ELAPOR2: variants seen among roughly 807,000 people sequenced by gnomAD.
ELAPOR2 encodes the protein endosome/lysosome-associated apoptosis and autophagy regulator family member 2.
ELAPOR2 carries 89 observed loss-of-function variants against 120.7 expected under a neutral mutation model. The ratio of observed to expected loss-of-function variants is 0.74; its 90% CI spans 0.62 to 0.88. The LOEUF (loss-of-function observed/expected upper bound fraction) is 0.88, where lower values mean the gene tolerates loss of function less well. ELAPOR2 is among the 40% of genes least tolerant of loss of function. The probability of loss-of-function intolerance (pLI) is 0.00; values close to 1 mark genes in which losing one functional copy is unlikely to be tolerated. For missense variants in ELAPOR2, 1,134 were observed against 1,251.6 expected (o/e 0.91, Z 1.42); for synonymous variants, 444 against 444.9 (o/e 1.00, Z 0.03).
intron 2 of ELAPOR2, among the ~76,000 whole-genome samples, chr7:86,958,121 G>C (rs963195084): frequency 6.6e-6 from 1 of 152,136 alleles, no homozygotes; most frequent in African/African-American, 2.4e-5. Flanking sequence ...ATTCCAAAGA[G>C]ACAGTCCCAT....
chr7:86,946,367 C>T (rs1213571607), intron 3 of ELAPOR2, among the ~76,000 whole-genome samples: 2 of 152,236 alleles, frequency 1.3e-5, no homozygotes, highest in East Asian at 1.9e-4. Context: ...TCCTATATGA[C>T]ACAACTAATT....
intron 1 of ELAPOR2, among the ~76,000 whole-genome samples, chr7:86,999,648 C>T (rs1793245029): frequency 6.6e-6 from 1 of 152,122 alleles, no homozygotes; most frequent in Admixed American, 6.6e-5. Flanking sequence ...AGTGGATAAA[C>T]CCTCTTTAGG....
At chr7:86,957,640 G>A (rs1036725810) in intron 2 of ELAPOR2, among the ~76,000 whole-genome samples, 1 of 152,146 alleles carries the variant, frequency 6.6e-6, no homozygotes, top group Non-Finnish European at 1.5e-5. Context: ...TGAGGATATA[G>A]CAACAAACAT....
chr7:86,924,639 G>T (rs1253346413), intron 10 of ELAPOR2, among the ~76,000 whole-genome samples: 1 of 151,788 alleles, frequency 6.6e-6, no homozygotes, highest in Admixed American at 6.6e-5. Context: ...TATATATACT[G>T]AGGCTTTGTC....
intron 21 of ELAPOR2, chr7:86,891,489 T>C (rs558429741): frequency 2.3e-6 from 1 of 425,764 alleles, no homozygotes; most frequent in South Asian, 4.9e-5. Flanking sequence ...TTCTATCACT[T>C]TGACAGATGA....
At chr7:86,892,330 A>G (rs987226384) in intron 20 of ELAPOR2, among the ~76,000 whole-genome samples, 1 of 152,046 alleles carries the variant, frequency 6.6e-6, no homozygotes, top group Admixed American at 6.6e-5. Context: ...ATCACCCCAG[A>G]TATTGCAATT....
At chr7:86,925,999 T>C (rs1790050287) in intron 9 of ELAPOR2, among the ~76,000 whole-genome samples, 1 of 152,006 alleles carries the variant, frequency 6.6e-6, no homozygotes, top group African/African-American at 2.4e-5. Flanking sequence ...AAGTTCAAGT[T>C]CTCCTGCATG....
At chr7:86,886,463 T>C (rs868482257) in intron 21 of ELAPOR2, among the ~76,000 whole-genome samples, 5 of 152,204 alleles carry the variant, frequency 3.3e-5, no homozygotes, top group South Asian at 2.1e-4. Flanking sequence ...ATTTTGCCAA[T>C]TGGAGACTCT....
rs375774914 is a variant in ELAPOR2, at chr7:87,052,338, T to A, written c.189+6987A>T. ...GAGATTGTACAGGGAAACTCCCCCT[T>A]ATGAAACCACTGGATCTCAAGAAAC... On this transcript the variant is annotated intron_variant, in intron 1 of 21. Transcript: ENST00000450689. Among the ~76,000 whole-genome samples the A allele has an allele frequency of 1.1e-3, 164 of 152,308 alleles. 1 individual carries two copies. The highest frequency in any genetic ancestry group is 3.8e-3 in the African/African-American group (156 of 41,576).
At chr7:86,932,560 G>C (rs867292694) in intron 8 of ELAPOR2, among the ~76,000 whole-genome samples, 2 of 151,848 alleles carry the variant, frequency 1.3e-5, no homozygotes, top group South Asian at 2.1e-4. Flanking sequence ...AAAATCTTAA[G>C]TCTTTTCTGT....
rs115887045 is a variant in ELAPOR2 at position 87,004,246 on chromosome 7, G to C, written c.190-39222C>G. On this transcript the variant is annotated intron_variant, in intron 1 of 21. Coordinates refer to ENST00000450689, the MANE Select transcript of ELAPOR2 (RefSeq NM_001142749.3). ...CCTGGATGGGTGGGGGACAACAAAG[G>C]GAGAATGTGCTTGTTTCCAAAATGA... Among the ~76,000 whole-genome samples the C allele has an allele frequency of 8.4e-3, 1,279 of 152,282 alleles. 21 individuals are homozygous for C. Among genetic ancestry groups the C allele is most frequent in the African/African-American group, 0.03 (1,230 of 41,542 alleles).
chr7:87,006,396 G>C (rs934662813), intron 1 of ELAPOR2, among the ~76,000 whole-genome samples: 2 of 151,856 alleles, frequency 1.3e-5, no homozygotes, highest in Non-Finnish European at 2.9e-5. Context: ...CTAGGGGAGG[G>C]ATAGCATTAG....
intron 18 of ELAPOR2, among the ~76,000 whole-genome samples, chr7:86,904,405 G>A (rs1008223798): frequency 2.0e-5 from 3 of 152,048 alleles, no homozygotes; most frequent in African/African-American, 7.2e-5. Flanking sequence ...ATCTATTTAG[G>A]GGCATCTATT....
rs2115836108 is a variant in ELAPOR2 at position 86,891,859 on chromosome 7, C to T, written c.2895G>A (p.Met965Ile). The T allele has an allele frequency of 6.2e-7, 1 of 1,607,562 alleles. No homozygotes were observed. Among genetic ancestry groups the T allele is most frequent in the South Asian group, 1.1e-5 (1 of 90,142 alleles). ...GTTCACACTCTTTTGAGTTAGTCGTCATTACTAACTTGGAATATTTGTATT... is the reference window on the plus strand; with the variant it reads ...GTTCACACTCTTTTGAGTTAGTCGTTATTACTAACTTGGAATATTTGTATT... The part of the protein sequence containing the change: ...KLEYKYSKLV[M>I]TTNSKECELP... Residue 965 changes from methionine to isoleucine, a missense_variant, in exon 21 of 22, where the codon ATG (methionine) becomes ATA (isoleucine). This residue lies in a region of ELAPOR2 where 831 missense variants were observed against 867.6 expected (regional missense o/e 0.96). Coordinates refer to ENST00000450689, the MANE Select transcript of ELAPOR2 (RefSeq NM_001142749.3).
intron 15 of ELAPOR2, 46 bp downstream of exon 15, chr7:86,912,026 C>T (rs376805497): frequency 3.3e-5 from 50 of 1,537,278 alleles, no homozygotes; most frequent in Admixed American, 7.2e-5. Context: ...TCAACTTGAT[C>T]GGAGCTGAAA....
At chr7:86,987,315 G>A (rs961937163) in intron 1 of ELAPOR2, among the ~76,000 whole-genome samples, 2 of 152,184 alleles carry the variant, frequency 1.3e-5, no homozygotes, top group South Asian at 4.1e-4. Context: ...AACACCAAAA[G>A]CAACAGCAAC....
intron 21 of ELAPOR2, among the ~76,000 whole-genome samples, chr7:86,889,953 A>G (rs916949926): frequency 2.0e-5 from 3 of 151,888 alleles, no homozygotes; most frequent in Non-Finnish European, 4.4e-5. Context: ...GAGGTTAACA[A>G]TACAGATTGG....
chr7:86,938,082 G>T, intron 8 of ELAPOR2, 44 bp downstream of exon 8: 1 of 1,400,516 alleles, frequency 7.1e-7, no homozygotes, highest in African/African-American at 1.4e-5. Context: ...TTGGAAAGAA[G>T]GTTGCAAAAA....
chr7:87,046,349 T>C (rs1371176070), intron 1 of ELAPOR2, among the ~76,000 whole-genome samples: 1 of 152,234 alleles, frequency 6.6e-6, no homozygotes, highest in Non-Finnish European at 1.5e-5. Flanking sequence ...ATTGGAAGAA[T>C]ATTGTTTAAA....
Sources: allele counts gnomAD v4.1 joint callset (sites outside exome capture counted in the v4.1 genomes callset), GRCh38; gene constraint gnomAD v4.1.1; regional missense constraint gnomAD v4.1.1; transcripts MANE v1.5; gene names NCBI Gene and HGNC (gene_info 2026-07-23, HGNC 2026-07-21).